NKAIN3: variants seen among roughly 807,000 people sequenced by gnomAD.
NKAIN3 encodes sodium/potassium-transporting ATPase subunit beta-1-interacting protein 3.
In NKAIN3, 25 loss-of-function variants were observed where a neutral mutation model predicts 30.2. That is an observed-to-expected ratio of 0.83 (90% confidence interval 0.60 to 1.16). The LOEUF (loss-of-function observed/expected upper bound fraction) is 1.16. Among genes scored for constraint, NKAIN3 ranks in the 50% most tolerant of loss-of-function variants. NKAIN3 has a pLI of 0.00. For missense variants in NKAIN3, 225 were observed against 254.1 expected (o/e 0.89, Z 0.78); for synonymous variants, 91 against 89.6 (o/e 1.02, Z -0.09).
At chr8:62,577,750 G>C (rs1810162156) in intron 1 of NKAIN3, among the ~76,000 whole-genome samples, 1 of 151,588 alleles carries the variant, frequency 6.6e-6, no homozygotes, top group South Asian at 2.1e-4. Flanking sequence ...CTGATATTTT[G>C]CGTTTTAGCC....
intron 1 of NKAIN3, chr8:62,473,209 T>C (rs1249790714): frequency 6.6e-6 from 1 of 152,232 alleles, no homozygotes; most frequent in African/African-American, 2.4e-5. Context: ...TCTTAGCTTC[T>C]GAAGAACTTG....
intron 1 of NKAIN3, among the ~76,000 whole-genome samples, chr8:62,317,581 G>C (rs1426129733): frequency 6.6e-6 from 1 of 152,140 alleles, no homozygotes; most frequent in African/African-American, 2.4e-5. Flanking sequence ...AGATCAGATG[G>C]CTGTAGATAT....
At chr8:62,479,624 A>G (rs1806644349) in intron 1 of NKAIN3, among the ~76,000 whole-genome samples, 1 of 152,192 alleles carries the variant, frequency 6.6e-6, no homozygotes, top group Non-Finnish European at 1.5e-5. Context: ...GGTGTCATAT[A>G]GGGACTAAGA....
intron 4 of NKAIN3, among the ~76,000 whole-genome samples, chr8:62,800,261 T>C (rs1818012111): frequency 1.3e-5 from 2 of 152,276 alleles, no homozygotes; most frequent in South Asian, 4.1e-4. Context: ...ATACTGCATA[T>C]GCAATGGGAT....
intron 3 of NKAIN3, among the ~76,000 whole-genome samples, chr8:62,604,683 C>A (rs994387880): frequency 3.3e-5 from 5 of 152,024 alleles, no homozygotes; most frequent in African/African-American, 1.2e-4. Flanking sequence ...TAAAAGCATA[C>A]ATTTCTAGGA....
chr8:62,947,353 G>A (rs145355345), intron 5 of NKAIN3, among the ~76,000 whole-genome samples: 2 of 152,306 alleles, frequency 1.3e-5, no homozygotes, highest in African/African-American at 2.4e-5. Context: ...TAAAGTTCTA[G>A]TGAAGAAGAA....
intron 4 of NKAIN3, among the ~76,000 whole-genome samples, chr8:62,752,006 C>G (rs1448576554): frequency 2.0e-5 from 3 of 152,080 alleles, no homozygotes; most frequent in Non-Finnish European, 4.4e-5. Context: ...TTGTTCATGT[C>G]TGTGGTTTCA....
intron 6 of NKAIN3, among the ~76,000 whole-genome samples, chr8:62,957,401 TG>T (rs1823448936): frequency 6.6e-6 from 1 of 152,210 alleles, no homozygotes; most frequent in African/African-American, 2.4e-5. Context: ...CCCAAAGTGT[TG>T]GGATTACAGG....
chr8:62,305,570 T>C (rs189997808), intron 1 of NKAIN3, among the ~76,000 whole-genome samples: 3 of 150,702 alleles, frequency 2.0e-5, no homozygotes, highest in Admixed American at 2.0e-4. Context: ...GTTTCAACTT[T>C]CTTTCTAGAA....
At chr8:62,709,198 C>G (rs1814637444) in intron 3 of NKAIN3, among the ~76,000 whole-genome samples, 1 of 151,942 alleles carries the variant, frequency 6.6e-6, no homozygotes, top group African/African-American at 2.4e-5. Flanking sequence ...TGGCTATGTC[C>G]TTTCCTAGAT....
chr8:62,251,756 G>A (rs368997055), intron 1 of NKAIN3, among the ~76,000 whole-genome samples: 7 of 152,012 alleles, frequency 4.6e-5, no homozygotes, highest in African/African-American at 7.2e-5. Flanking sequence ...GTAAGCAACC[G>A]CTGATTTGTG....
intron 1 of NKAIN3, among the ~76,000 whole-genome samples, chr8:62,519,781 C>G (rs1019288261): frequency 5.3e-5 from 8 of 152,092 alleles, no homozygotes; most frequent in Admixed American, 1.3e-4. Flanking sequence ...TTCAAAATAG[C>G]TTTCTAAGTT....
rs191674888 is a variant in NKAIN3, at chr8:62,977,109, C to T, written c.*11702C>T. 6.6e-6 allele frequency among the ~76,000 whole-genome samples: 1 copy of T among 152,278 alleles called. No individual in the cohort carries two copies. The highest frequency in any genetic ancestry group is 1.9e-4 in the East Asian group (1 of 5,182). Reference sequence around the variant, plus strand: ...AACCCAACTTTTCTCTCTGGCTGCCCTTAACATTTTTTCTTTCAGTTCAAC... The same window carrying T: ...AACCCAACTTTTCTCTCTGGCTGCCTTTAACATTTTTTCTTTCAGTTCAAC... On this transcript the variant is annotated 3_prime_UTR_variant, in exon 7 of 7. Coordinates refer to ENST00000623646, the MANE Select transcript of NKAIN3 (RefSeq NM_001304533.3).
chr8:62,906,267 C>T (rs1304320943), intron 4 of NKAIN3, among the ~76,000 whole-genome samples: 1 of 152,230 alleles, frequency 6.6e-6, no homozygotes, highest in Non-Finnish European at 1.5e-5. Flanking sequence ...AAGTTTCTGA[C>T]ATTAAGTAGC....
At chr8:62,849,012 C>T (rs991795367) in intron 4 of NKAIN3, among the ~76,000 whole-genome samples, 1 of 152,086 alleles carries the variant, frequency 6.6e-6, no homozygotes, top group African/African-American at 2.4e-5. Context: ...GAGATGAAGC[C>T]AACTTGATTG....
chr8:62,322,407 C>T (rs1814960145), intron 1 of NKAIN3, among the ~76,000 whole-genome samples: 1 of 152,198 alleles, frequency 6.6e-6, no homozygotes, highest in Admixed American at 6.5e-5. Context: ...AATCACCCGT[C>T]TTCTGTGTCG....
rs942922069 is a variant in NKAIN3, at chr8:62,980,816, C to T, written c.*15409C>T. 3 of 152,198 alleles carry T rather than the reference C, an allele frequency of 2.0e-5. No individual in the cohort carries two copies. The highest frequency in any genetic ancestry group is 4.4e-5 in the Non-Finnish European group (3 of 68,040). 9.4% of individuals were successfully genotyped at this position (152,198 alleles called of 1,614,324 possible). A position where few individuals can be genotyped will look rare whatever the true frequency, so the allele number is the denominator to read the frequency against. On this transcript the variant is annotated 3_prime_UTR_variant, in exon 7 of 7. Transcript: ENST00000623646. ...ATTTGTTTCTATGGCACAAGCAAAG[C>T]TCATTAATTCCATTTATTATTTTAA...
intron 3 of NKAIN3, among the ~76,000 whole-genome samples, chr8:62,655,968 C>T (rs539025876): frequency 2.4e-4 from 36 of 152,194 alleles, no homozygotes; most frequent in African/African-American, 8.2e-4. Flanking sequence ...AAATTAGCCC[C>T]ATTTTCTTTG....
At chr8:62,826,535 G>A (rs774351935) in intron 4 of NKAIN3, among the ~76,000 whole-genome samples, 2 of 152,086 alleles carry the variant, frequency 1.3e-5, no homozygotes, top group Non-Finnish European at 2.9e-5. Context: ...GATTTCCCAC[G>A]TAAAATATTT....
Sources: gnomAD v4.1 joint callset for allele counts (sites outside exome capture counted in the v4.1 genomes callset) on GRCh38, gnomAD v4.1.1 for gene constraint, MANE v1.5 for transcripts, NCBI Gene and HGNC (gene_info 2026-07-23, HGNC 2026-07-21) for gene names.